The following INSL6 variants were observed in gnomAD, a reference collection of about 807,000 sequenced individuals.
INSL6 encodes insulin like 6.
A neutral mutation model predicts 9.4 loss-of-function variants in INSL6; 16 were observed. That is an observed-to-expected ratio of 1.70 (90% CI 1.15 to 2.59). The LOEUF is 2.59. INSL6 is among the 30% of genes most tolerant of loss of function. The pLI, the probability that INSL6 is intolerant of heterozygous loss-of-function variation, is 0.00. For synonymous variants in INSL6, 154 were observed against 96.9 expected (o/e 1.59, Z -3.46); for missense variants, 391 against 257.3 (o/e 1.52, Z -3.56).
At chr9:5,029,952 T>G in the INSL6 span, 1 of 1,509,566 alleles carries the variant, frequency 6.6e-7, no homozygotes, top group Non-Finnish European at 8.9e-7. Context: ...AAAGGCAAAA[T>G]GGGAGAAATT....
At chr9:5,093,634 A>C in the INSL6 span, among the ~76,000 whole-genome samples, 2 of 152,182 alleles carry the variant, frequency 1.3e-5, no homozygotes, top group Non-Finnish European at 2.9e-5. Flanking sequence ...ACCTCATAGC[A>C]TATTCAACCT....
At chr9:5,161,271 C>T (rs767645353), downstream of INSL6, among the ~76,000 whole-genome samples, 14 of 152,092 alleles carry the variant, frequency 9.2e-5, no homozygotes, top group Non-Finnish European at 1.3e-4. Context: ...AATGCAAGAA[C>T]GGTTCAACAT....
At chr9:5,183,983 G>T (rs968414543) in intron 1 of INSL6, among the ~76,000 whole-genome samples, 1 of 152,186 alleles carries the variant, frequency 6.6e-6, no homozygotes, top group Non-Finnish European at 1.5e-5. Context: ...AGTAAAAGTA[G>T]AAGACTGGGG....
chr9:5,046,262 T>C, the INSL6 span, among the ~76,000 whole-genome samples: 1 of 152,090 alleles, frequency 6.6e-6, no homozygotes, highest in Non-Finnish European at 1.5e-5. Flanking sequence ...TTAAATCAGG[T>C]TGTTTGTTTG....
intron 3 of INSL6, among the ~76,000 whole-genome samples, chr9:5,128,588 G>GAACT (rs1325059527): frequency 6.6e-6 from 1 of 151,814 alleles, no homozygotes; most frequent in Non-Finnish European, 1.5e-5. Flanking sequence ...AACAAGATGT[G>GAACT]AACTAACTTT....
At chr9:5,167,091 T>A (rs1202165126) in intron 1 of INSL6, among the ~76,000 whole-genome samples, 2 of 151,874 alleles carry the variant, frequency 1.3e-5, no homozygotes, top group Non-Finnish European at 2.9e-5. Context: ...GAGGTTGGCG[T>A]GACTCAGAGA....
chr9:5,063,617 G>T, the INSL6 span, among the ~76,000 whole-genome samples: 1 of 152,024 alleles, frequency 6.6e-6, no homozygotes, highest in Non-Finnish European at 1.5e-5. Context: ...ATTTAGAGAG[G>T]ATTTTTACAT....
chr9:5,142,874 T>G (rs1241289530), intron 2 of INSL6, among the ~76,000 whole-genome samples: 2 of 152,186 alleles, frequency 1.3e-5, no homozygotes, highest in African/African-American at 4.8e-5. Context: ...GTATATTCCT[T>G]TCAATACCTA....
the INSL6 span, among the ~76,000 whole-genome samples, chr9:5,118,503 A>C: frequency 1.3e-5 from 2 of 152,216 alleles, no homozygotes; most frequent in Non-Finnish European, 2.9e-5. Context: ...AAGCAATGTA[A>C]ATAACAAATT....
the INSL6 span, chr9:5,069,799 A>C: frequency 4.2e-6 from 2 of 471,522 alleles, no homozygotes; most frequent in African/African-American, 4.0e-5. Flanking sequence ...TCTATTATAA[A>C]AAAAGAACAA....
the INSL6 span, among the ~76,000 whole-genome samples, chr9:5,037,251 T>C: frequency 6.6e-3 from 1,005 of 152,272 alleles, 7 homozygotes; most frequent in African/African-American, 0.022. Context: ...ATTTTTACAC[T>C]GTTGGTGGGA....
intron 3 of INSL6, chr9:5,126,719 T>A (rs779671643): frequency 1.2e-6 from 2 of 1,610,958 alleles, no homozygotes; most frequent in South Asian, 1.1e-5. Flanking sequence ...GGAACAATAA[T>A]GTAAATCAAC....
At chr9:5,090,498 A>G in the INSL6 span, 6 of 1,592,554 alleles carry the variant, frequency 3.8e-6, no homozygotes, top group Non-Finnish European at 5.1e-6. Context: ...GAAGTTTACG[A>G]GACTATCTTC....
the INSL6 span, among the ~76,000 whole-genome samples, chr9:5,063,858 T>C: frequency 6.6e-6 from 1 of 152,210 alleles, no homozygotes; most frequent in South Asian, 2.1e-4. Context: ...TGTTCACATA[T>C]GTATTAAGAT....
chr9:5,017,534 G>C, the INSL6 span, among the ~76,000 whole-genome samples: 1 of 151,922 alleles, frequency 6.6e-6, no homozygotes, highest in African/African-American at 2.4e-5. Flanking sequence ...TTAGCTTTGG[G>C]CTTTGTTCTT....
the INSL6 span, among the ~76,000 whole-genome samples, chr9:5,087,926 T>C: frequency 5.9e-5 from 9 of 152,222 alleles, no homozygotes; most frequent in Non-Finnish European, 8.8e-5. Flanking sequence ...TGCATTCGTG[T>C]GACAATATAC....
chr9:5,181,110 C>T (rs147115288), intron 1 of INSL6, among the ~76,000 whole-genome samples: 2,468 of 152,182 alleles, frequency 0.016, 28 homozygotes, highest in Middle Eastern at 0.031. Flanking sequence ...ATATTGGGGG[C>T]GGGTTCCCCT....
chr9:5,059,705 C>G, the INSL6 span, among the ~76,000 whole-genome samples: 4 of 152,150 alleles, frequency 2.6e-5, no homozygotes, highest in African/African-American at 9.7e-5. Flanking sequence ...TCCCCATCAA[C>G]TCTTAATTTT....
chr9:5,110,832 C>G, the INSL6 span: 1 of 453,304 alleles, frequency 2.2e-6, no homozygotes, highest in South Asian at 1.8e-5. Flanking sequence ...CCCGTTTGTT[C>G]GGGGAAGGTG....
Sources: gnomAD v4.1 joint callset for allele counts (sites outside exome capture counted in the v4.1 genomes callset) on GRCh38, gnomAD v4.1.1 for gene constraint, MANE v1.5 for transcripts, NCBI Gene and HGNC (gene_info 2026-07-23, HGNC 2026-07-21) for gene names.